Variants in TBXAS1 observed in about 807,000 individuals in gnomAD.
The protein encoded by TBXAS1 is thromboxane-A synthase.
Under a neutral mutation model 60.7 loss-of-function variants are expected in TBXAS1, and 48 were observed. That is an observed-to-expected ratio of 0.79 (90% CI 0.63 to 1.01). The LOEUF is 1.01. Ranked by LOEUF, TBXAS1 falls within the 50% of genes least tolerant of loss-of-function variation. The probability of loss-of-function intolerance (pLI) is 0.00; values close to 1 mark genes in which losing one functional copy is unlikely to be tolerated. For synonymous variants in TBXAS1, 287 were observed against 269.7 expected (o/e 1.06, Z -0.63); for missense variants, 685 against 686.3 (o/e 1.00, Z 0.02).
At chr7:139,936,360 T>C (rs1807791220) in intron 5 of TBXAS1, 53 bp downstream of exon 5, 1 of 1,571,078 alleles carries the variant, frequency 6.4e-7, no homozygotes, top group Admixed American at 1.7e-5. Context: ...GTTTCTTCTC[T>C]CCAAATCGTG....
chr7:139,810,366 T>G (rs988120471), intron 4 of TBXAS1, among the ~76,000 whole-genome samples: 2 of 152,198 alleles, frequency 1.3e-5, no homozygotes, highest in Non-Finnish European at 2.9e-5. Context: ...TCTTTGTGAC[T>G]GCTGTGACTG....
intron 1 of TBXAS1, among the ~76,000 whole-genome samples, chr7:139,830,980 G>C (rs1359208861): frequency 6.6e-6 from 1 of 151,924 alleles, no homozygotes; most frequent in African/African-American, 2.4e-5. Context: ...TGTGTTTGCT[G>C]TCTATTCTTG....
chr7:139,953,543 G>A (rs1296557558), intron 6 of TBXAS1, 87 bp downstream of exon 6: 1 of 1,317,272 alleles, frequency 7.6e-7, no homozygotes, highest in Non-Finnish European at 1.1e-6. Flanking sequence ...ATTACCTTGG[G>A]ACTAGCAAAC....
Position 139,935,404 on chromosome 7 carries a change from G to A in TBXAS1, c.334-787G>A, listed in dbSNP as rs529758015. On this transcript the variant is annotated intron_variant, in intron 4 of 12. Transcript: ENST00000448866. ...ATTCAAGTTTTGCTTTTTGGAACTT[G>A]GTGGAATTTTTTCTGAATATTTTTG... Among the ~76,000 whole-genome samples, 38 of 152,166 alleles carry A rather than the reference G, an allele frequency of 2.5e-4. No individual in the cohort carries two copies. The South Asian group carries it at 5.6e-3, about 22-fold the overall frequency.
At chr7:139,877,413 T>TG (rs1554480672) in intron 3 of TBXAS1, among the ~76,000 whole-genome samples, 1 of 152,176 alleles carries the variant, frequency 6.6e-6, no homozygotes, top group South Asian at 2.1e-4. Flanking sequence ...GTTTTTGTTT[T>TG]TTGTTGTTGT....
intron 9 of TBXAS1, among the ~76,000 whole-genome samples, chr7:139,979,231 C>T (rs1024931978): frequency 2.0e-5 from 3 of 152,194 alleles, no homozygotes; most frequent in African/African-American, 7.2e-5. Flanking sequence ...TTCCCAAAGT[C>T]ATTTCTCCTC....
chr7:139,879,063 C>G (rs17161202), intron 3 of TBXAS1, among the ~76,000 whole-genome samples: 1 of 152,168 alleles, frequency 6.6e-6, no homozygotes, highest in Non-Finnish European at 1.5e-5. Flanking sequence ...GTTTGAGGCT[C>G]AAAACTGGAA....
At chr7:139,828,511 T>C (rs1277320927), upstream of TBXAS1, among the ~76,000 whole-genome samples, 2 of 152,218 alleles carry the variant, frequency 1.3e-5, no homozygotes, top group East Asian at 3.9e-4. Flanking sequence ...TGTGGGTCCT[T>C]TTGGGATTGC....
intron 4 of TBXAS1, among the ~76,000 whole-genome samples, chr7:139,807,630 A>C (rs1329935810): frequency 6.6e-6 from 1 of 151,832 alleles, no homozygotes; most frequent in Non-Finnish European, 1.5e-5. Context: ...TGATCCACCC[A>C]CCTCAGCCTC....
intron 4 of TBXAS1, among the ~76,000 whole-genome samples, chr7:139,795,708 G>A (rs1229227213): frequency 6.6e-6 from 1 of 151,682 alleles, no homozygotes; most frequent in Non-Finnish European, 1.5e-5. Flanking sequence ...TGTAAGGAAG[G>A]GATCCAGTTT....
chr7:140,020,132 C>T lies in TBXAS1; in HGVS notation c.*33C>T, dbSNP rs1815441536. 6.2e-7 allele frequency: 1 copy of T among 1,607,106 alleles called. No individual in the cohort carries two copies. Among genetic ancestry groups the T allele is most frequent in the Non-Finnish European group, 8.5e-7 (1 of 1,173,836 alleles). On this transcript the variant is annotated 3_prime_UTR_variant, in exon 13 of 13. Coordinates refer to ENST00000448866, the MANE Select transcript of TBXAS1 (RefSeq NM_001061.7). ...GGCTGCCGGGTGGGGGGAGGGCACCCCCAAATTCAAAGAAAACCCTAAGTG... is the reference window on the plus strand; with the variant it reads ...GGCTGCCGGGTGGGGGGAGGGCACCTCCAAATTCAAAGAAAACCCTAAGTG...
chr7:139,976,420 C>T (rs1356327108), intron 9 of TBXAS1, among the ~76,000 whole-genome samples: 3 of 152,226 alleles, frequency 2.0e-5, no homozygotes, highest in Admixed American at 6.5e-5. Flanking sequence ...TCACCAAATT[C>T]CCAGATTCTC....
intron 3 of TBXAS1, among the ~76,000 whole-genome samples, chr7:139,885,176 C>T (rs984363952): frequency 2.6e-5 from 4 of 152,288 alleles, no homozygotes; most frequent in South Asian, 2.1e-4. Context: ...CTGTATATCA[C>T]GTTCAAGGTG....
At chr7:139,992,463 G>A (rs549317426) in intron 9 of TBXAS1, among the ~76,000 whole-genome samples, 55 of 152,364 alleles carry the variant, frequency 3.6e-4, no homozygotes, top group Non-Finnish European at 4.7e-4. Context: ...GGAAGCTCGC[G>A]GAGCCATGTC....
At chr7:139,985,724 T>C (rs1812404170) in intron 9 of TBXAS1, among the ~76,000 whole-genome samples, 1 of 152,314 alleles carries the variant, frequency 6.6e-6, no homozygotes, top group East Asian at 1.9e-4. Context: ...CCCCCTCCAC[T>C]AGACTGGAAG....
intron 4 of TBXAS1, among the ~76,000 whole-genome samples, chr7:139,798,211 G>A (rs1213082505): frequency 1.3e-5 from 2 of 152,106 alleles, no homozygotes; most frequent in Non-Finnish European, 2.9e-5. Flanking sequence ...TGAAGAGGGA[G>A]ACACGCCAGC....
chr7:139,934,095 A>C (rs548403091), intron 4 of TBXAS1, among the ~76,000 whole-genome samples: 1 of 152,238 alleles, frequency 6.6e-6, no homozygotes, highest in East Asian at 1.9e-4. Context: ...CTCCAGGAAA[A>C]TTCACTTTCC....
At chr7:139,991,340 C>G (rs1250484583) in intron 9 of TBXAS1, among the ~76,000 whole-genome samples, 1 of 151,216 alleles carries the variant, frequency 6.6e-6, no homozygotes, top group Non-Finnish European at 1.5e-5. Context: ...TGTTGCCCCC[C>G]TATGTTGCCA....
intron 1 of TBXAS1, among the ~76,000 whole-genome samples, chr7:139,829,832 C>T (rs1798588191): frequency 6.6e-6 from 1 of 152,194 alleles, no homozygotes; most frequent in African/African-American, 2.4e-5. Context: ...AATCCTCTGT[C>T]CTTGTTGGAT....
Sources: gnomAD v4.1 joint callset for allele counts (sites outside exome capture counted in the v4.1 genomes callset) on GRCh38, gnomAD v4.1.1 for gene constraint, MANE v1.5 for transcripts, NCBI Gene and HGNC (gene_info 2026-07-23, HGNC 2026-07-21) for gene names.